The following CDH13 variants were observed in gnomAD, a reference collection of about 807,000 sequenced individuals.
CDH13 encodes the protein cadherin-13.
In CDH13, 24 loss-of-function variants were observed where a neutral mutation model predicts 63.8. The observed-to-expected ratio is 0.38, with a 90% CI of 0.27 to 0.53. The LOEUF (loss-of-function observed/expected upper bound fraction) is 0.53. Among genes scored for constraint, CDH13 ranks in the 20% least tolerant of loss-of-function variants. The probability of loss-of-function intolerance (pLI) is 0.85; values close to 1 mark genes in which losing one functional copy is unlikely to be tolerated. For missense variants in CDH13, 1,049 were observed against 903.1 expected (o/e 1.16, Z -2.07); for synonymous variants, 503 against 355.3 (o/e 1.42, Z -4.67).
chr16:83,764,242 T>C (rs1165277887), intron 11 of CDH13, among the ~76,000 whole-genome samples: 1 of 152,124 alleles, frequency 6.6e-6, no homozygotes, highest in East Asian at 1.9e-4. Flanking sequence ...AGGGAATGGA[T>C]GGGCCATGGA....
At chr16:83,420,262 C>G (rs1234033456) in intron 6 of CDH13, among the ~76,000 whole-genome samples, 1 of 152,100 alleles carries the variant, frequency 6.6e-6, no homozygotes, top group Admixed American at 6.5e-5. Context: ...CTGAGGTAGT[C>G]ACAATTGAGA....
chr16:83,341,214 C>T (rs114385694), intron 5 of CDH13, among the ~76,000 whole-genome samples: 2,299 of 152,274 alleles, frequency 0.015, 60 homozygotes, highest in African/African-American at 0.052. Context: ...TTATTCCAGT[C>T]TTTTCAAACT....
At chr16:83,245,342 A>G (rs1904885392) in intron 5 of CDH13, among the ~76,000 whole-genome samples, 1 of 152,176 alleles carries the variant, frequency 6.6e-6, no homozygotes, top group African/African-American at 2.4e-5. Flanking sequence ...ATGCTGAGAA[A>G]ATCCATAGCA....
At position 83,625,228 on chromosome 16, in the gene CDH13, A is replaced by ATG. The variant is rs148899149; in HGVS notation, c.1101+22648_1101+22649dup. Reference sequence around the variant, plus strand: ...CATGTGTGTGTGCACACGTGTGTCTATGTGTGTGTGTGTGTAATTTAAGCC... The same window carrying ATG: ...CATGTGTGTGTGCACACGTGTGTCTATGTGTGTGTGTGTGTGTAATTTAAGCC... On this transcript the variant is annotated intron_variant, in intron 8 of 13. Coordinates refer to ENST00000567109, the MANE Select transcript of CDH13 (RefSeq NM_001257.5). Among the ~76,000 whole-genome samples, 351 of 146,232 alleles carry ATG rather than the reference A, an allele frequency of 2.4e-3. 1 individual carries two copies. Among genetic ancestry groups the ATG allele is most frequent in the African/African-American group, 7.4e-3 (294 of 39,720 alleles).
chr16:82,847,331 G>C (rs1444770856), intron 1 of CDH13, among the ~76,000 whole-genome samples: 3 of 152,192 alleles, frequency 2.0e-5, no homozygotes, highest in Non-Finnish European at 4.4e-5. Flanking sequence ...TCAAGGTGTT[G>C]GCAGCGATGC....
chr16:82,805,218 G>T (rs774872066), intron 1 of CDH13, among the ~76,000 whole-genome samples: 1 of 152,188 alleles, frequency 6.6e-6, no homozygotes, highest in African/African-American at 2.4e-5. Context: ...GTTGGTGGGA[G>T]AGAGGTCTTG....
At chr16:83,093,294 CTTTTTTTTTTTTTTTTTTTTTTT>C (rs549590536) in intron 3 of CDH13, among the ~76,000 whole-genome samples, 476 of 35,354 alleles carry the variant, frequency 0.013, 10 homozygotes, top group African/African-American at 0.039. Flanking sequence ...ACCATAAGTA[CTTTTTTTTTTTTTTTTTTTTTTT>C]TTTTTTTTTT....
At chr16:83,223,820 T>C (rs976998129) in intron 5 of CDH13, among the ~76,000 whole-genome samples, 2 of 152,202 alleles carry the variant, frequency 1.3e-5, no homozygotes, top group Non-Finnish European at 2.9e-5. Flanking sequence ...TCTACCACAT[T>C]GTGATGACAT....
chr16:82,922,746 C>T (rs1271805588), intron 2 of CDH13, among the ~76,000 whole-genome samples: 2 of 152,128 alleles, frequency 1.3e-5, no homozygotes, highest in African/African-American at 4.8e-5. Context: ...TTAGTCAAAT[C>T]ATGTGCCCGA....
chr16:83,147,671 G>C (rs1049884299), intron 4 of CDH13, among the ~76,000 whole-genome samples: 1 of 152,088 alleles, frequency 6.6e-6, no homozygotes, highest in African/African-American at 2.4e-5. Flanking sequence ...ATGGGAAAGG[G>C]ACAACTCATT....
intron 2 of CDH13, among the ~76,000 whole-genome samples, chr16:83,028,951 A>T (rs550891010): frequency 6.6e-6 from 1 of 152,278 alleles, no homozygotes; most frequent in South Asian, 2.1e-4. Context: ...CCAGGGTTCA[A>T]ATCCTGGCTC....
At chr16:83,020,426 C>T (rs1456358885) in intron 2 of CDH13, among the ~76,000 whole-genome samples, 1 of 152,124 alleles carries the variant, frequency 6.6e-6, no homozygotes, top group East Asian at 1.9e-4. Context: ...CTCCAGGATC[C>T]CCAAAGCCAT....
At chr16:83,023,304 C>A (rs1168489573) in intron 2 of CDH13, among the ~76,000 whole-genome samples, 1 of 152,076 alleles carries the variant, frequency 6.6e-6, no homozygotes, top group Non-Finnish European at 1.5e-5. Flanking sequence ...TTCACTACCC[C>A]CCGACTCCAC....
intron 2 of CDH13, among the ~76,000 whole-genome samples, chr16:82,901,591 G>T (rs1467864488): frequency 6.6e-6 from 1 of 152,124 alleles, no homozygotes; most frequent in Non-Finnish European, 1.5e-5. Flanking sequence ...AAGGCATGTT[G>T]CTTGGGGTAT....
intron 4 of CDH13, among the ~76,000 whole-genome samples, chr16:83,134,575 GAGAGAGAGAGAGAGAGAGTGAGT>G (rs2036198369): frequency 1.6e-5 from 1 of 62,312 alleles, no homozygotes; most frequent in Non-Finnish European, 3.1e-5. Flanking sequence ...GAGAGAGAGA[GAGAGAGAGAGAGAGAGAGTGAGT>G]TACATGACTG....
At chr16:83,435,048 C>T (rs1196340842) in intron 6 of CDH13, among the ~76,000 whole-genome samples, 1 of 134,028 alleles carries the variant, frequency 7.5e-6, no homozygotes, top group Non-Finnish European at 1.6e-5. Flanking sequence ...GTTTGGAATT[C>T]AGAGAGAGAT....
chr16:83,476,318 G>A (rs1166024593), intron 6 of CDH13, among the ~76,000 whole-genome samples: 1 of 152,066 alleles, frequency 6.6e-6, no homozygotes, highest in East Asian at 1.9e-4. Flanking sequence ...TCCCTAGAGG[G>A]GCTAAAATAC....
Position 83,678,270 on chromosome 16 carries a change from A to T in CDH13, c.1347A>T (p.Pro449=), listed in dbSNP as rs1915127656. 6.2e-7 allele frequency: 1 copy of T among 1,613,302 alleles called. No homozygotes were observed. Among genetic ancestry groups the T allele is most frequent in the African/African-American group, 1.3e-5 (1 of 74,698 alleles). Residue 449 remains proline, a synonymous_variant, in exon 10 of 14, where the codon CCA becomes CCT. Transcript: ENST00000567109. ...TLLIKVENED[P]LVPDVSYGPS... ...TGATCAAAGTGGAAAATGAAGACCC[A>T]CTCGTACCCGACGTCTCCTACGGCC...
chr16:83,667,096 G>C (rs1914049973), intron 8 of CDH13, among the ~76,000 whole-genome samples: 1 of 145,062 alleles, frequency 6.9e-6, no homozygotes, highest in Non-Finnish European at 1.5e-5. Context: ...ATGATGGATG[G>C]ATGGATGGAT....
Sources: gnomAD v4.1 joint callset for allele counts (sites outside exome capture counted in the v4.1 genomes callset) on GRCh38, gnomAD v4.1.1 for gene constraint, MANE v1.5 for transcripts, NCBI Gene and HGNC (gene_info 2026-07-23, HGNC 2026-07-21) for gene names.